MAVS: variants seen among roughly 807,000 people sequenced by gnomAD.
The protein encoded by MAVS is mitochondrial antiviral signaling protein, also known as mitochondrial antiviral-signaling protein.
A neutral mutation model predicts 30.2 loss-of-function variants in MAVS; 20 were observed. The observed-to-expected ratio is 0.66, with a 90% CI of 0.47 to 0.96. MAVS has a LOEUF of 0.96. MAVS is among the 40% of genes least tolerant of loss of function. MAVS has a pLI of 0.00. For synonymous variants in MAVS, 278 were observed against 293.9 expected (o/e 0.95, Z 0.55); for missense variants, 624 against 701.1 (o/e 0.89, Z 1.24).
rs2089880661 is a variant in MAVS at position 3,863,353 on chromosome 20, G to A, written c.626-903G>A. ...CGCTGGTGCCCAGTCAGCCCTCAGT[G>A]CCCTGGGACAGCCACAAGACACATG... On this transcript the variant is annotated intron_variant, in intron 5 of 6. Transcript: ENST00000428216. 4.6e-5 allele frequency among the ~76,000 whole-genome samples: 7 copies of A among 152,244 alleles called. 1 individual carries two copies. In the South Asian group the frequency reaches 1.5e-3, roughly 32 times the overall value.
intron 3 of MAVS, among the ~76,000 whole-genome samples, chr20:3,858,667 A>C (rs1305496346): frequency 8.0e-5 from 12 of 150,498 alleles, no homozygotes; most frequent in African/African-American, 2.9e-4. Flanking sequence ...TCCATCTCAA[A>C]AAAAAAAAAA....
chr20:3,853,415 G>A (rs2089780814), intron 1 of MAVS, among the ~76,000 whole-genome samples: 1 of 151,350 alleles, frequency 6.6e-6, no homozygotes, highest in South Asian at 2.1e-4. Flanking sequence ...GAACCCGAGA[G>A]GCGGAGCTTG....
intron 3 of MAVS, among the ~76,000 whole-genome samples, chr20:3,861,055 C>G (rs1371476734): frequency 6.7e-6 from 1 of 150,186 alleles, no homozygotes; most frequent in Admixed American, 6.7e-5. Flanking sequence ...TGCAGTGGCG[C>G]GATCTTGGCT....
Position 3,861,511 on chromosome 20 carries a change from C to A in MAVS, c.465+7C>A, listed in dbSNP as rs1167802924. 1 of 1,612,050 alleles carries A rather than the reference C, an allele frequency of 6.2e-7. No individual in the cohort carries two copies. The highest frequency in any genetic ancestry group is 1.7e-5 in the Admixed American group (1 of 59,626). ...GCCAGAGTCCCCAGGAGAGGTCTGT[C>A]CTCATAGTCTACCTTGAGCCACCAC... is the stretch of plus-strand genomic sequence containing the variant. On this transcript the variant is annotated splice_region_variant and intron_variant, in intron 4 of 6. Transcript: ENST00000428216.
chr20:3,858,000 A>C lies in MAVS; in HGVS notation c.292+191A>C, dbSNP rs1600448520. ...TGTGTCCCTTTGGCCAAGTCCCTTA[A>C]TTTCCCTGAGCCTCAGGCCTCTCTT... On this transcript the variant is annotated intron_variant, in intron 3 of 6. Coordinates refer to ENST00000428216, the MANE Select transcript of MAVS (RefSeq NM_020746.5). 9 of 658,024 alleles carry C rather than the reference A, an allele frequency of 1.4e-5. No individual in the cohort carries two copies. In the East Asian group the frequency reaches 2.5e-4, roughly 19 times the overall value. The allele number at this position is 658,024 out of a possible 1,614,324, so 40.8% of individuals were successfully genotyped here.
chr20:3,856,044 G>A (rs2089806677), intron 2 of MAVS, among the ~76,000 whole-genome samples: 1 of 144,166 alleles, frequency 6.9e-6, no homozygotes, highest in Non-Finnish European at 1.5e-5. Context: ...TCAGGCTGGA[G>A]TGCAGTGGCA....
intron 1 of MAVS, among the ~76,000 whole-genome samples, chr20:3,854,203 C>G (rs917269012): frequency 6.6e-6 from 1 of 151,754 alleles, no homozygotes; most frequent in Non-Finnish European, 1.5e-5. Flanking sequence ...GGGTGGACCA[C>G]TTGAGGTCAG....
At chr20:3,853,108 G>A (rs1488453725) in intron 1 of MAVS, among the ~76,000 whole-genome samples, 1 of 149,798 alleles carries the variant, frequency 6.7e-6, no homozygotes, top group Non-Finnish European at 1.5e-5. Context: ...CAACGTGCTG[G>A]GGTTACAGGC....
intron 2 of MAVS, among the ~76,000 whole-genome samples, 189 bp downstream of exon 2, chr20:3,854,930 C>A (rs551615145): frequency 7.5e-6 from 1 of 133,274 alleles, no homozygotes; most frequent in African/African-American, 2.9e-5. Flanking sequence ...CTCGTTCTGT[C>A]GCCAGGCTGG....
At chr20:3,848,644 C>T (rs1163264680) in intron 1 of MAVS, among the ~76,000 whole-genome samples, 1 of 152,178 alleles carries the variant, frequency 6.6e-6, no homozygotes, top group Non-Finnish European at 1.5e-5. Flanking sequence ...GTCTGCTCTA[C>T]AGCACTGCCT....
chr20:3,867,253 T>C lies in MAVS; in HGVS notation c.*1106T>C. On this transcript the variant is annotated 3_prime_UTR_variant, in exon 7 of 7. Coordinates refer to ENST00000428216, the MANE Select transcript of MAVS (RefSeq NM_020746.5). ...TTTATCTGTCTGTCCCTTAGTTTTC[T>C]CACCTGTAAAAGGAGGATAAGTATA... 1 of 358,322 alleles carries C rather than the reference T, an allele frequency of 2.8e-6. No homozygotes were observed. Among genetic ancestry groups the C allele is most frequent in the Non-Finnish European group, 5.5e-6 (1 of 181,888 alleles). 22.2% of individuals were successfully genotyped at this position (358,322 alleles called of 1,614,324 possible).
At chr20:3,851,251 C>T (rs2089757255) in intron 1 of MAVS, among the ~76,000 whole-genome samples, 1 of 151,508 alleles carries the variant, frequency 6.6e-6, no homozygotes, top group Non-Finnish European at 1.5e-5. Context: ...TTGCTTAAAC[C>T]CGAGAAGCAG....
At chr20:3,860,794 A>G (rs1462969744) in intron 3 of MAVS, among the ~76,000 whole-genome samples, 1 of 151,186 alleles carries the variant, frequency 6.6e-6, no homozygotes, top group Non-Finnish European at 1.5e-5. Flanking sequence ...CTTCTGCCTC[A>G]GCCTCCTGAG....
chr20:3,847,523 G>A (rs2089719218), intron 1 of MAVS, among the ~76,000 whole-genome samples: 1 of 152,228 alleles, frequency 6.6e-6, no homozygotes, highest in Admixed American at 6.5e-5. Flanking sequence ...CAGTTGGGAA[G>A]GAAGTGCCAA....
At chr20:3,860,373 A>ATTTT (rs36084316) in intron 3 of MAVS, among the ~76,000 whole-genome samples, 4 of 125,068 alleles carry the variant, frequency 3.2e-5, no homozygotes, top group South Asian at 2.6e-4. Context: ...GATTCCTTCT[A>ATTTT]TTTTTTTTTT....
chr20:3,849,350 C>T (rs2089738082), intron 1 of MAVS, among the ~76,000 whole-genome samples: 1 of 151,968 alleles, frequency 6.6e-6, no homozygotes, highest in Non-Finnish European at 1.5e-5. Context: ...GCTGGGATTA[C>T]AGGCGCCCAC....
intron 5 of MAVS, 72 bp from the exon 6 acceptor site, chr20:3,864,184 A>G: frequency 6.7e-7 from 1 of 1,493,194 alleles, no homozygotes; most frequent in Non-Finnish European, 9.1e-7. Flanking sequence ...TCTGGGCCAG[A>G]GGGACCCTTC....
intron 3 of MAVS, among the ~76,000 whole-genome samples, chr20:3,859,343 C>T (rs964837207): frequency 6.6e-6 from 1 of 151,442 alleles, no homozygotes; most frequent in Admixed American, 6.6e-5. Context: ...CTGTCTGTAC[C>T]AAAAATACAA....
intron 2 of MAVS, among the ~76,000 whole-genome samples, chr20:3,855,464 A>G (rs2089801579): frequency 6.6e-6 from 1 of 152,158 alleles, no homozygotes; most frequent in Admixed American, 6.6e-5. Flanking sequence ...TGGCAGGATC[A>G]GGGTCGCTCT....
Sources: allele counts gnomAD v4.1 joint callset (sites outside exome capture counted in the v4.1 genomes callset), GRCh38; gene constraint gnomAD v4.1.1; transcripts MANE v1.5; gene names NCBI Gene and HGNC (gene_info 2026-07-23, HGNC 2026-07-21).